The following AMER1 variants were observed in gnomAD, a reference collection of about 807,000 sequenced individuals.
The protein encoded by AMER1 is APC membrane recruitment protein 1.
AMER1 carries 16 observed loss-of-function variants against 53.0 expected under a neutral mutation model. The ratio of observed to expected loss-of-function variants is 0.30; its 90% CI spans 0.20 to 0.46. The LOEUF is 0.46. Among genes scored for constraint, AMER1 ranks in the 20% least tolerant of loss-of-function variants. The pLI, the probability that AMER1 is intolerant of heterozygous loss-of-function variation, is 1.00. For missense variants in AMER1, 947 were observed against 884.9 expected, an observed-to-expected ratio of 1.07 and a Z score of -0.89; for synonymous variants, 354 against 331.9, an observed-to-expected ratio of 1.07 and a Z score of -0.73.
In AMER1 at chrX:64,192,477, C is replaced by T. The variant is rs1930272198; in HGVS notation, c.810G>A (p.Val270=). The change falls in exon 2 of 2, where the codon GTG becomes GTA. Residue 270 remains valine, a synonymous_variant. Transcript: ENST00000374869. ...TGGCTTCAGGGGCAGGCTTGGGTTG[C>T]ACATGTGCTGAGGCACAGGCCTCCA... The part of the protein sequence containing the change: ...KPMEACASAH[V]QPKPAPEASS... 1 of 1,202,987 alleles carries T rather than the reference C, an allele frequency of 8.3e-7. No homozygotes were observed. Among genetic ancestry groups the T allele is most frequent in the East Asian group, 3.0e-5 (1 of 33,820 alleles).
In AMER1 at chrX:64,188,783, A is replaced by G. The variant is rs920934986; in HGVS notation, c.*1096T>C. 1.2e-5 allele frequency: 10 copies of G among 802,397 alleles called. No homozygotes were observed. In the African/African-American group the frequency reaches 1.3e-4, roughly 11 times the overall value. The allele number at this position is 802,397 out of a possible 1,213,427, so 66.1% of individuals were successfully genotyped here. On this transcript the variant is annotated 3_prime_UTR_variant, in exon 2 of 2. Transcript: ENST00000374869. ...TGTGATAAATGGACCCTCATTTTCT[A>G]TCTTTCCCCTACACTCCACAAAAAC...
At position 64,192,819 on chromosome X, in the gene AMER1, A is replaced by G. The variant is rs1298161979; in HGVS notation, c.468T>C (p.Ala156=). 1 of 1,211,893 alleles carries G rather than the reference A, an allele frequency of 8.3e-7. No individual in the cohort carries two copies. Among genetic ancestry groups the G allele is most frequent in the South Asian group, 1.8e-5 (1 of 56,993 alleles). The change falls in exon 2 of 2, where the codon GCT becomes GCC. Residue 156 remains alanine, a synonymous_variant. Transcript: ENST00000374869. ...SVAGATEKAV[A]EKFPSMPKPK... is the part of the protein sequence containing the mutation. ...GCTTGGGCATAGAGGGAAACTTCTC[A>G]GCCACAGCTTTCTCTGTGGCTCCAG...
At position 64,189,793 on chromosome X, in the gene AMER1, A is replaced by ACGGGGGGGGCCCCCCCCCCC; in HGVS notation, c.*85_*86insGGGGGGGGGGGCCCCCCCCG. The stretch of plus-strand genomic sequence containing the variant: ...CAAAGGGTTTTCAAGTTAAACAACA[A>ACGGGGGGGGCCCCCCCCCCC]CCCCCACCCCCCCACCCTTCTGCCC... On this transcript the variant is annotated 3_prime_UTR_variant, in exon 2 of 2. Transcript: ENST00000374869. 3.4e-6 allele frequency: 1 copy of ACGGGGGGGGCCCCCCCCCCC among 292,072 alleles called. No homozygotes were observed. The allele number at this position is 292,072 out of a possible 1,213,427, so 24.1% of individuals were successfully genotyped here.
chrX:64,189,256 T>A lies in AMER1; in HGVS notation c.*623A>T, dbSNP rs1185034731. On this transcript the variant is annotated 3_prime_UTR_variant, in exon 2 of 2. Transcript: ENST00000374869. ...TCATCTGATATAATGATGGCAGCTATGCCAGGCCAAAAGGAATAGGGGTGG... is the reference window on the plus strand; with the variant it reads ...TCATCTGATATAATGATGGCAGCTAAGCCAGGCCAAAAGGAATAGGGGTGG... 1.3e-6 allele frequency: 1 copy of A among 795,558 alleles called. No individual in the cohort carries two copies. Among genetic ancestry groups the A allele is most frequent in the East Asian group, 7.5e-5 (1 of 13,315 alleles). 65.6% of individuals were successfully genotyped at this position (795,558 alleles called of 1,213,427 possible). A position where few individuals can be genotyped will look rare whatever the true frequency, so the allele number is the denominator to read the frequency against.
In AMER1 at chrX:64,190,076, G is replaced by A. The variant is rs2147084271; in HGVS notation, c.3211C>T (p.Pro1071Ser). 8.3e-7 allele frequency: 1 copy of A among 1,205,027 alleles called. No homozygotes were observed. The highest frequency in any genetic ancestry group is 1.1e-6 in the Non-Finnish European group (1 of 891,818). The part of the protein sequence containing the change: ...SSSSGGFSPS[P>S]LPQAKPVGIT... ...CCCACAGGCTTGGCCTGTGGTAGAGGGCTGGGGCTGAAGCCTCCAGAACTG... is the reference window on the plus strand; with the variant it reads ...CCCACAGGCTTGGCCTGTGGTAGAGAGCTGGGGCTGAAGCCTCCAGAACTG... Residue 1071 changes from proline to serine, a missense_variant, in exon 2 of 2, where the codon CCT becomes TCT. Coordinates refer to ENST00000374869, the MANE Select transcript of AMER1 (RefSeq NM_152424.4).
rs2147087343 is a variant in AMER1, at chrX:64,191,453, C to T, written c.1834G>A (p.Glu612Lys). 4 of 1,212,073 alleles carry T rather than the reference C, an allele frequency of 3.3e-6. No homozygotes were observed. The South Asian group carries it at 5.3e-5, about 16-fold the overall frequency. Residue 612 changes from glutamate (E) to lysine (K), a missense_variant, in exon 2 of 2, where the codon GAG becomes AAG. Coordinates refer to ENST00000374869, the MANE Select transcript of AMER1 (RefSeq NM_152424.4). ...EAYGREAYAR[E>K]AHTWEAHGRE... ...CCATGAGCTTCCCAAGTGTGGGCCTCCCTGGCATAGGCTTCCCTGCCATAA... is the reference window on the plus strand; with the variant it reads ...CCATGAGCTTCCCAAGTGTGGGCCTTCCTGGCATAGGCTTCCCTGCCATAA...
Position 64,191,917 on chromosome X carries a change from T to G in AMER1, c.1370A>C (p.Gln457Pro), listed in dbSNP as rs780393025. The change falls in exon 2 of 2, where the codon CAG becomes CCG. Residue 457 changes from glutamine (Q) to proline (P), a missense_variant. Physicochemically the swap from Gln to Pro is moderately conservative, Grantham distance 76 (BLOSUM62 -1). Coordinates refer to ENST00000374869, the MANE Select transcript of AMER1 (RefSeq NM_152424.4). ...GLAPGELLTP[Q>P]SDQQESAPNS... ...GGGGGCGGATTCTTGCTGGTCACTC[T>G]GAGGAGTCAAAAGTTCCCCAGGGGC... 24 of 1,211,737 alleles carry G rather than the reference T, an allele frequency of 2.0e-5. No individual in the cohort carries two copies. Among genetic ancestry groups the G allele is most frequent in the Non-Finnish European group, 2.7e-5 (24 of 895,491 alleles).
rs1789250040 is a variant in AMER1, at chrX:64,193,444, C to T, written c.-98-60G>A. 3 of 830,343 alleles carry T rather than the reference C, an allele frequency of 3.6e-6. No homozygotes were observed. The Admixed American group carries it at 8.2e-5, about 23-fold the overall frequency. 68.4% of individuals were successfully genotyped at this position (830,343 alleles called of 1,213,427 possible). ...AGATACTAGTGAGCAAGCATCCAGG[C>T]TGGGTTTGCTTTCACCGGACGTCAG... On this transcript the variant is annotated intron_variant, in intron 1 of 1. Coordinates refer to ENST00000374869, the MANE Select transcript of AMER1 (RefSeq NM_152424.4).
intron 1 of AMER1, among the ~76,000 whole-genome samples, chrX:64,199,540 A>C (rs965208705): frequency 8.9e-6 from 1 of 111,888 alleles, no homozygotes; most frequent in Non-Finnish European, 1.9e-5. Context: ...TCAATGTAAA[A>C]GCAAACTGGT....
In AMER1 at chrX:64,185,568, G is replaced by A. The variant is rs1930088059; in HGVS notation, c.*4311C>T. The stretch of plus-strand genomic sequence containing the variant: ...ACATACCATGTGGATTTTCTTCTTT[G>A]GAGTGACTATAGGATTGGAAAGTCA... On this transcript the variant is annotated 3_prime_UTR_variant, in exon 2 of 2. Coordinates refer to ENST00000374869, the MANE Select transcript of AMER1 (RefSeq NM_152424.4). 1 of 161,209 alleles carries A rather than the reference G, an allele frequency of 6.2e-6. No homozygotes were observed. Among genetic ancestry groups the A allele is most frequent in the African/African-American group, 3.2e-5 (1 of 31,099 alleles). The allele number at this position is 161,209 out of a possible 1,213,427, so 13.3% of individuals were successfully genotyped here.
At position 64,189,956 on chromosome X, in the gene AMER1, T is replaced by C; in HGVS notation, c.3331A>G (p.Lys1111Glu). Reference protein sequence around the residue: ...HYGPSSLDLSKERAEQGASLA... With the variant: ...HYGPSSLDLSEERAEQGASLA... ...GAGGCACCTTGCTCAGCCCTCTCCT[T>C]TGACAGGTCAAGGCTGGAAGGCCCA... The change falls in exon 2 of 2, where the codon AAG becomes GAG. Residue 1111 changes from lysine (K) to glutamate (E), a missense_variant. Lys to Glu is a moderately conservative substitution (Grantham distance 56). Transcript: ENST00000374869. The C allele has an allele frequency of 3.3e-6, 4 of 1,206,928 alleles. No individual in the cohort carries two copies. Among genetic ancestry groups the C allele is most frequent in the Non-Finnish European group, 3.4e-6 (3 of 893,271 alleles).
In AMER1 at chrX:64,192,542, C is replaced by T. The variant is rs768029529; in HGVS notation, c.745G>A (p.Ala249Thr). The T allele has an allele frequency of 4.8e-5, 58 of 1,203,841 alleles. No individual in the cohort carries two copies. Among genetic ancestry groups the T allele is most frequent in the Non-Finnish European group, 6.2e-5 (55 of 893,276 alleles). The change falls in exon 2 of 2, where the codon GCT becomes ACT. Residue 249 changes from alanine to threonine, a missense_variant. Coordinates refer to ENST00000374869, the MANE Select transcript of AMER1 (RefSeq NM_152424.4). ...VSPTPEPSPP[A>T]TEKMACKDPE... ...TCTTTACAGGCCATTTTCTCAGTAG[C>T]TGGTGGAGAAGGTTCTGGTGTTGGA...
rs1225181715 is a variant in AMER1 at position 64,193,247 on chromosome X, C to A, written c.40G>T (p.Ala14Ser). 1 of 1,210,020 alleles carries A rather than the reference C, an allele frequency of 8.3e-7. No homozygotes were observed. The highest frequency in any genetic ancestry group is 1.1e-6 in the Non-Finnish European group (1 of 895,282). ...QKDEAAQAKG[A>S]AASGSTREQT... ...TCACGGGTACTCCCAGAGGCTGCAG[C>A]TCCCTTGGCCTGAGCAGCTTCATCC... The change falls in exon 2 of 2, where the codon GCT becomes TCT. Residue 14 changes from alanine to serine, a missense_variant. Coordinates refer to ENST00000374869, the MANE Select transcript of AMER1 (RefSeq NM_152424.4).
At chrX:64,203,641 G>A (rs1930537167) in intron 1 of AMER1, among the ~76,000 whole-genome samples, 1 of 111,600 alleles carries the variant, frequency 9.0e-6, no homozygotes, top group Non-Finnish European at 1.9e-5. Flanking sequence ...ACCATGGGTG[G>A]GCAAGAGCCA....
At position 64,197,406 on chromosome X, in the gene AMER1, C is replaced by T. The variant is rs759350828; in HGVS notation, c.-98-4022G>A. Among the ~76,000 whole-genome samples, 8 of 112,836 alleles carry T rather than the reference C, an allele frequency of 7.1e-5. No homozygotes were observed. The South Asian group carries it at 2.9e-3, about 41-fold the overall frequency. On this transcript the variant is annotated intron_variant, in intron 1 of 1. Coordinates refer to ENST00000374869, the MANE Select transcript of AMER1 (RefSeq NM_152424.4). Reference sequence around the variant, plus strand: ...AGGAAGAGCTTCTTCCTTCTCCTCTCCACTTAAAACATAGGCAGGAGGCCA... The same window carrying T: ...AGGAAGAGCTTCTTCCTTCTCCTCTTCACTTAAAACATAGGCAGGAGGCCA...
intron 1 of AMER1, among the ~76,000 whole-genome samples, chrX:64,205,039 G>C (rs1458772869): frequency 8.8e-6 from 1 of 113,473 alleles, no homozygotes; most frequent in Non-Finnish European, 1.9e-5. Flanking sequence ...GGTCTCCGTC[G>C]GGCCCAAGCC....
rs759131609 is a variant in AMER1 at position 64,190,624 on chromosome X, G to A, written c.2663C>T (p.Ala888Val). The A allele has an allele frequency of 8.3e-7, 1 of 1,210,383 alleles. No individual in the cohort carries two copies. The highest frequency in any genetic ancestry group is 1.7e-5 in the African/African-American group (1 of 57,273). ...GAGAGAGCGGCTTCTCCTGTTGAGGGCCATAGCAGCAGGTGGAGGTCGAGG... is the reference window on the plus strand; with the variant it reads ...GAGAGAGCGGCTTCTCCTGTTGAGGACCATAGCAGCAGGTGGAGGTCGAGG... ...LHPRPPPAAM[A>V]LNRRSRSLDT... Residue 888 changes from alanine to valine, a missense_variant, in exon 2 of 2, where the codon GCC becomes GTC. Transcript: ENST00000374869.
chrX:64,200,077 T>C (rs1055379556), intron 1 of AMER1, among the ~76,000 whole-genome samples: 2 of 112,792 alleles, frequency 1.8e-5, no homozygotes, highest in African/African-American at 6.4e-5. Context: ...TTGCCTTGAA[T>C]GACAGGGACT....
chrX:64,197,487 G>T (rs192051449), intron 1 of AMER1, among the ~76,000 whole-genome samples: 17 of 113,187 alleles, frequency 1.5e-4, no homozygotes, highest in African/African-American at 4.8e-4. Context: ...TGCAATATGA[G>T]CCTTGCACAT....
Sources: gnomAD v4.1 joint callset for allele counts (sites outside exome capture counted in the v4.1 genomes callset) on GRCh38, gnomAD v4.1.1 for gene constraint, MANE v1.5 for transcripts, NCBI Gene and HGNC (gene_info 2026-07-23, HGNC 2026-07-21) for gene names.